Variants in SCAMP5 observed in about 807,000 individuals in gnomAD.
SCAMP5 encodes secretory carrier membrane protein 5.
SCAMP5 carries 7 observed loss-of-function variants against 28.3 expected under a neutral mutation model. The ratio of observed to expected loss-of-function variants is 0.25; its 90% CI spans 0.14 to 0.46. SCAMP5 has a LOEUF of 0.46. Among genes scored for constraint, SCAMP5 ranks in the 20% least tolerant of loss-of-function variants. The probability of loss-of-function intolerance (pLI) is 0.99; values close to 1 mark genes in which losing one functional copy is unlikely to be tolerated. For missense variants in SCAMP5, 192 were observed against 312.5 expected (o/e 0.61, Z 2.91); for synonymous variants, 117 against 116.4 (o/e 1.00, Z -0.03).
intron 1 of SCAMP5, among the ~76,000 whole-genome samples, chr15:75,009,135 T>C (rs2065787877): frequency 6.6e-6 from 1 of 152,192 alleles, no homozygotes. Flanking sequence ...TTAAAATTTT[T>C]AACAGCTGCA....
rs759883356 is a variant in SCAMP5 at position 75,016,764 on chromosome 15, C to G, written c.293+15C>G. Reference sequence around the variant, plus strand: ...AAGGCCTTCAAGTAAGTGGTTGGTGCTATCCGCAGTGCCTAGCCGTCTCTG... The same window carrying G: ...AAGGCCTTCAAGTAAGTGGTTGGTGGTATCCGCAGTGCCTAGCCGTCTCTG... On this transcript the variant is annotated intron_variant, in intron 4 of 6. Coordinates refer to ENST00000425597, the MANE Select transcript of SCAMP5 (RefSeq NM_138967.4). 1 of 1,608,904 alleles carries G rather than the reference C, an allele frequency of 6.2e-7. No homozygotes were observed. The highest frequency in any genetic ancestry group is 1.7e-5 in the Admixed American group (1 of 59,762).
At chr15:75,010,893 T>C (rs1486621561) in intron 1 of SCAMP5, among the ~76,000 whole-genome samples, 1 of 152,162 alleles carries the variant, frequency 6.6e-6, no homozygotes, top group Non-Finnish European at 1.5e-5. Flanking sequence ...GCTTCAGGTT[T>C]TTACTACCAC....
chr15:75,014,636 AG>A (rs1330039321), intron 3 of SCAMP5, among the ~76,000 whole-genome samples: 2 of 152,178 alleles, frequency 1.3e-5, no homozygotes, highest in African/African-American at 4.8e-5. Context: ...GCCAGAAGGC[AG>A]GGCAGGGGAG....
chr15:75,011,017 G>A (rs1393995876), intron 1 of SCAMP5, among the ~76,000 whole-genome samples: 9 of 152,036 alleles, frequency 5.9e-5, no homozygotes, highest in Non-Finnish European at 1.2e-4. Flanking sequence ...TAGCCTGGGC[G>A]ATATGGCGAA....
rs868736259 is a variant in SCAMP5, at chr15:75,018,709, T to A, written c.514-80T>A. 5.2e-6 allele frequency: 6 copies of A among 1,152,128 alleles called. No homozygotes were observed. The highest frequency in any genetic ancestry group is 1.6e-5 in the African/African-American group (1 of 64,322). 71.4% of individuals were successfully genotyped at this position (1,152,128 alleles called of 1,614,324 possible). A position where few individuals can be genotyped will look rare whatever the true frequency, so the allele number is the denominator to read the frequency against. ...TGGGGAGGGAGCACTGTTTTTTTTT[T>A]ACAGATGGGTCCCATCTATTTCCTG... On this transcript the variant is annotated intron_variant, in intron 6 of 6. Coordinates refer to ENST00000425597, the MANE Select transcript of SCAMP5 (RefSeq NM_138967.4). The surrounding 1 kb of genome is among the most constrained non-coding windows in gnomAD (Gnocchi z 5.6).
At chr15:74,997,856 T>C (rs2065667250) in intron 1 of SCAMP5, among the ~76,000 whole-genome samples, 1 of 152,136 alleles carries the variant, frequency 6.6e-6, no homozygotes, top group Non-Finnish European at 1.5e-5. Context: ...GGATTATTCA[T>C]AGTTCTGGGA....
At position 75,018,744 on chromosome 15, in the gene SCAMP5, C is replaced by T. The variant is rs1172896123; in HGVS notation, c.514-45C>T. On this transcript the variant is annotated intron_variant, in intron 6 of 6. Transcript: ENST00000425597. The surrounding 1 kb of genome is among the most constrained non-coding windows in gnomAD (Gnocchi z 5.6). Reference sequence around the variant, plus strand: ...TCCCATCTATTTCCTGGATGGGCTGCCTTTTCTCTTTGATTAACCCTTCTT... The same window carrying T: ...TCCCATCTATTTCCTGGATGGGCTGTCTTTTCTCTTTGATTAACCCTTCTT... The T allele has an allele frequency of 6.9e-7, 1 of 1,446,604 alleles. No homozygotes were observed. The allele number at this position is 1,446,604 out of a possible 1,614,324, so 89.6% of individuals were successfully genotyped here.
At position 75,018,599 on chromosome 15, in the gene SCAMP5, C is replaced by T; in HGVS notation, c.513+64C>T. 8.0e-7 allele frequency: 1 copy of T among 1,249,696 alleles called. No homozygotes were observed. Among genetic ancestry groups the T allele is most frequent in the Non-Finnish European group, 1.2e-6 (1 of 847,792 alleles). 77.4% of individuals were successfully genotyped at this position (1,249,696 alleles called of 1,614,324 possible). ...AAGGGGCCATGTTCTGAAACAAGCCCTCCTCCAAGTTGCAAGAGGATCCCG... is the reference window on the plus strand; with the variant it reads ...AAGGGGCCATGTTCTGAAACAAGCCTTCCTCCAAGTTGCAAGAGGATCCCG... On this transcript the variant is annotated intron_variant, in intron 6 of 6. Coordinates refer to ENST00000425597, the MANE Select transcript of SCAMP5 (RefSeq NM_138967.4). The surrounding 1 kb of genome is among the most constrained non-coding windows in gnomAD (Gnocchi z 5.6).
intron 1 of SCAMP5, among the ~76,000 whole-genome samples, chr15:75,008,089 CTT>C (rs35168296): frequency 2.9e-3 from 433 of 149,442 alleles, no homozygotes; most frequent in Middle Eastern, 0.01. Context: ...TACTTGGGCT[CTT>C]TTTTTTTTCT....
At chr15:75,016,801 T>G in intron 4 of SCAMP5, 52 bp downstream of exon 4, 1 of 1,441,788 alleles carries the variant, frequency 6.9e-7, no homozygotes, top group Non-Finnish European at 9.5e-7. Flanking sequence ...CCATCTCCCC[T>G]GTCTCTTCTC....
intron 1 of SCAMP5, among the ~76,000 whole-genome samples, chr15:74,998,673 C>A (rs989349918): frequency 1.3e-5 from 2 of 151,700 alleles, no homozygotes; most frequent in Non-Finnish European, 2.9e-5. Context: ...TCCAACCCCC[C>A]ACCCCCCATT....
chr15:75,018,050 C>A lies in SCAMP5; in HGVS notation c.395+79C>A. 1.1e-6 allele frequency: 1 copy of A among 891,278 alleles called. No individual in the cohort carries two copies. Among genetic ancestry groups the A allele is most frequent in the Non-Finnish European group, 1.8e-6 (1 of 544,026 alleles). 55.2% of individuals were successfully genotyped at this position (891,278 alleles called of 1,614,324 possible). ...CTTTTGCTTACCTTTGTGTGCTAAG[C>A]TGTCTAGCCTATGGGGCCTGAGTGA... On this transcript the variant is annotated intron_variant, in intron 5 of 6. Coordinates refer to ENST00000425597, the MANE Select transcript of SCAMP5 (RefSeq NM_138967.4). This position sits in a 1 kb window ranked among gnomAD's most constrained non-coding sequence, Gnocchi z 5.6.
chr15:75,004,742 AAAAG>A (rs1381219967), intron 1 of SCAMP5, among the ~76,000 whole-genome samples: 37 of 152,130 alleles, frequency 2.4e-4, no homozygotes, highest in African/African-American at 7.7e-4. Context: ...CAAAAAAAAA[AAAAG>A]AAAGAGAGAA....
rs750316269 is a variant in SCAMP5 at position 75,018,415 on chromosome 15, C to T, written c.396-3C>T. 1.7e-5 allele frequency: 27 copies of T among 1,604,662 alleles called. No individual in the cohort carries two copies. Among genetic ancestry groups the T allele is most frequent in the Middle Eastern group, 3.3e-4 (2 of 6,062 alleles). ...GCAGCCCCACACTGGCCTCTTCCTGCAGCGGCTGGATTGCTACCATCTCCT... is the reference window on the plus strand; with the variant it reads ...GCAGCCCCACACTGGCCTCTTCCTGTAGCGGCTGGATTGCTACCATCTCCT... On this transcript the variant is annotated splice_polypyrimidine_tract_variant and splice_region_variant and intron_variant, in intron 5 of 6. Coordinates refer to ENST00000425597, the MANE Select transcript of SCAMP5 (RefSeq NM_138967.4). The surrounding 1 kb of genome is among the most constrained non-coding windows in gnomAD (Gnocchi z 5.6).
intron 1 of SCAMP5, among the ~76,000 whole-genome samples, chr15:75,003,326 G>A (rs1346007307): frequency 6.6e-6 from 1 of 152,182 alleles, no homozygotes; most frequent in Non-Finnish European, 1.5e-5. Flanking sequence ...AAGTTATATA[G>A]TAAATATTCT....
chr15:75,018,438 CCTT>C lies in SCAMP5; in HGVS notation c.421_423del (p.Phe141del). 2 of 1,613,580 alleles carry C rather than the reference CCTT, an allele frequency of 1.2e-6. No homozygotes were observed. Among genetic ancestry groups the C allele is most frequent in the Non-Finnish European group, 1.7e-6 (2 of 1,179,502 alleles). On this transcript the variant is annotated inframe_deletion, in exon 6 of 7. Transcript: ENST00000425597. The surrounding 1 kb of genome is among the most constrained non-coding windows in gnomAD (Gnocchi z 5.6). Reference sequence around the variant, plus strand: ...TGCAGCGGCTGGATTGCTACCATCTCCTTCTTCGGAACGAACATTGGCTCGGCG... The same window carrying C: ...TGCAGCGGCTGGATTGCTACCATCTCCTTCGGAACGAACATTGGCTCGGCG...
At position 75,013,506 on chromosome 15, in the gene SCAMP5, C is replaced by G. The variant is rs533130808; in HGVS notation, c.136+701C>G. On this transcript the variant is annotated intron_variant, in intron 3 of 6. Coordinates refer to ENST00000425597, the MANE Select transcript of SCAMP5 (RefSeq NM_138967.4). ...TTGAGGTAAGGAGTTTAAGACCAGC[C>G]TAGGCAACACAGCAAGACCCCTGTC... is the stretch of plus-strand genomic sequence containing the variant. Among the ~76,000 whole-genome samples, 4 of 152,164 alleles carry G rather than the reference C, an allele frequency of 2.6e-5. No individual in the cohort carries two copies. The East Asian group carries it at 7.7e-4, about 29-fold the overall frequency.
At chr15:75,012,598 C>T in intron 2 of SCAMP5, 79 bp from the exon 3 acceptor site, 1 of 1,562,774 alleles carries the variant, frequency 6.4e-7, no homozygotes, top group Admixed American at 1.7e-5. Flanking sequence ...TGGGGCAGCA[C>T]AGCCAGGGGA....
chr15:75,017,614 A>G, intron 4 of SCAMP5: 1 of 579,682 alleles, frequency 1.7e-6, no homozygotes, highest in Non-Finnish European at 3.1e-6. Flanking sequence ...TATGCCAATG[A>G]GGCCGTCCAT....
Sources: gnomAD v4.1 joint callset for allele counts (sites outside exome capture counted in the v4.1 genomes callset) on GRCh38, gnomAD v4.1.1 for gene constraint, Gnocchi (gnomAD v3.1) non-coding constraint, MANE v1.5 for transcripts, NCBI Gene and HGNC (gene_info 2026-07-23, HGNC 2026-07-21) for gene names.